Variants in PREP observed in about 807,000 individuals in gnomAD.
PREP encodes the protein prolyl endopeptidase.
Under a neutral mutation model 87.6 loss-of-function variants are expected in PREP, and 29 were observed. The observed-to-expected ratio is 0.33, with a 90% CI of 0.25 to 0.45. The LOEUF is 0.45. PREP is among the 20% of genes least tolerant of loss of function. The pLI, the probability that PREP is intolerant of heterozygous loss-of-function variation, is 1.00. For synonymous variants in PREP, 337 were observed against 328.6 expected (o/e 1.03, Z -0.28); for missense variants, 695 against 886.5 (o/e 0.78, Z 2.74).
At position 105,352,993 on chromosome 6, in the gene PREP, G is replaced by T; in HGVS notation, c.802C>A (p.Gln268Lys). 6.2e-7 allele frequency: 1 copy of T among 1,613,682 alleles called. No homozygotes were observed. Among genetic ancestry groups the T allele is most frequent in the Non-Finnish European group, 8.5e-7 (1 of 1,179,634 alleles). Residue 268 changes from glutamine (Q) to lysine (K), a missense_variant, in exon 7 of 15, where the codon CAG (glutamine) becomes AAG (lysine). Physicochemically the swap from Gln to Lys is moderately conservative, Grantham distance 53 (BLOSUM62 1). Coordinates refer to ENST00000652536, the MANE Select transcript of PREP (RefSeq NM_002726.5). ...VNRLWYCDLQ[Q>K]ESSGIAGILK... is the part of the protein sequence containing the mutation. ...TCACCCGCGATGCCACTGGATTCCT[G>T]CTGTAGGTCACAGTACCAGAGTCGG...
chr6:105,333,566 G>C, intron 7 of PREP, 61 bp from the exon 8 acceptor site: 1 of 1,512,192 alleles, frequency 6.6e-7, no homozygotes, highest in South Asian at 1.1e-5. Flanking sequence ...GTTGCTTTGT[G>C]TGTAGGGAGG....
intron 6 of PREP, among the ~76,000 whole-genome samples, chr6:105,363,755 A>G (rs1772311023): frequency 1.3e-5 from 2 of 152,168 alleles, no homozygotes; most frequent in African/African-American, 4.8e-5. Flanking sequence ...AGACATCTTG[A>G]AAGGTCCCTG....
intron 10 of PREP, among the ~76,000 whole-genome samples, chr6:105,313,910 T>C (rs1770809054): frequency 1.3e-5 from 2 of 151,108 alleles, no homozygotes. Flanking sequence ...CAAGTGGGGG[T>C]TCAAGCTGCC....
chr6:105,338,618 C>T lies in PREP; in HGVS notation c.824-5113G>A, dbSNP rs142876846. On this transcript the variant is annotated intron_variant, in intron 7 of 14. Transcript: ENST00000652536. ...ACCTCAACCAGGAAATGCAAGGGGT[C>T]GGGTAATTCCCTTTCCTAGCCAAGG... Among the ~76,000 whole-genome samples the T allele has an allele frequency of 1.6e-4, 25 of 152,282 alleles. No homozygotes were observed. In the East Asian group the frequency reaches 2.7e-3, roughly 16 times the overall value.
At chr6:105,377,555 T>G (rs570893766) in intron 2 of PREP, 36 bp from the exon 3 acceptor site, 4 of 1,602,120 alleles carry the variant, frequency 2.5e-6, no homozygotes, top group Non-Finnish European at 3.4e-6. Context: ...GCAAGTTAAA[T>G]ATAAAATTTT....
chr6:105,394,295 G>A (rs6929982), intron 2 of PREP, among the ~76,000 whole-genome samples: 32 of 152,288 alleles, frequency 2.1e-4, no homozygotes, highest in African/African-American at 7.5e-4. Flanking sequence ...AGGCTAGAAA[G>A]TTCTTTCTCA....
At chr6:105,306,807 T>A (rs763222165) in intron 10 of PREP, among the ~76,000 whole-genome samples, 3 of 143,918 alleles carry the variant, frequency 2.1e-5, no homozygotes, top group African/African-American at 7.6e-5. Context: ...TCTAATTCTC[T>A]AAGCACCTGG....
chr6:105,313,550 T>C (rs114137000), intron 10 of PREP, among the ~76,000 whole-genome samples: 132 of 152,356 alleles, frequency 8.7e-4, no homozygotes, highest in African/African-American at 3.0e-3. Context: ...ATCACAGTTG[T>C]GTTTCTAGAT....
rs148562966 is a variant in PREP at position 105,283,034 on chromosome 6, C to T, written c.1550-452G>A. 3.9e-5 allele frequency among the ~76,000 whole-genome samples: 6 copies of T among 152,346 alleles called. No homozygotes were observed. The East Asian group carries it at 7.7e-4, about 20-fold the overall frequency. On this transcript the variant is annotated intron_variant, in intron 12 of 14. Transcript: ENST00000652536. ...TGGGAGTGCTCGTGTCTCCCCTCCC[C>T]GCGAAGACGGAGGTGGAAGCGCTCT...
chr6:105,348,449 G>C (rs1771856054), intron 7 of PREP, among the ~76,000 whole-genome samples: 1 of 152,152 alleles, frequency 6.6e-6, no homozygotes. Context: ...CAACTCCATG[G>C]GGAACAAGAC....
intron 7 of PREP, among the ~76,000 whole-genome samples, chr6:105,335,258 A>G (rs947043663): frequency 6.6e-6 from 1 of 152,228 alleles, no homozygotes; most frequent in African/African-American, 2.4e-5. Context: ...TGACTTCTAA[A>G]CTACTAAAAG....
At chr6:105,391,696 C>A (rs1041085591) in intron 2 of PREP, among the ~76,000 whole-genome samples, 2 of 152,130 alleles carry the variant, frequency 1.3e-5, no homozygotes, top group African/African-American at 2.4e-5. Flanking sequence ...AGGGAGAGAG[C>A]CCATGATAAA....
In PREP at chr6:105,353,624, T is replaced by C. The variant is rs1378188200; in HGVS notation, c.718-547A>G. Among the ~76,000 whole-genome samples the C allele has an allele frequency of 2.0e-5, 3 of 151,812 alleles. No individual in the cohort carries two copies. In the East Asian group the frequency reaches 5.8e-4, roughly 29 times the overall value. ...CTGTCTCTACTAAAAATATAAAAAT[T>C]AGCCAGGCGTGGTGGTAGGCGCCTG... On this transcript the variant is annotated intron_variant, in intron 6 of 14. Transcript: ENST00000652536.
At chr6:105,367,637 G>A (rs10214691) in intron 6 of PREP, among the ~76,000 whole-genome samples, 30,253 of 146,680 alleles carry the variant, frequency 0.21, 4,508 homozygotes, top group African/African-American at 0.43. Context: ...CCGCCACTGC[G>A]CTCCAGCCTG....
At chr6:105,396,876 T>C (rs1181578138) in intron 2 of PREP, among the ~76,000 whole-genome samples, 4 of 151,950 alleles carry the variant, frequency 2.6e-5, no homozygotes, top group African/African-American at 9.7e-5. Context: ...GCAAACTTAA[T>C]TAACTACATA....
In PREP at chr6:105,281,715, T is replaced by TAACA. The variant is rs763270165; in HGVS notation, c.1838+27_1838+30dup. ...TGTGTTCAACTTTATATCAAACCACTAACAACATATATATGTCAATAAAAC... is the reference window on the plus strand; with the variant it reads ...TGTGTTCAACTTTATATCAAACCACTAACAAACAACATATATATGTCAATAAAAC... On this transcript the variant is annotated intron_variant, in intron 14 of 14. Coordinates refer to ENST00000652536, the MANE Select transcript of PREP (RefSeq NM_002726.5). 5.6e-6 allele frequency: 9 copies of TAACA among 1,602,754 alleles called. No individual in the cohort carries two copies. In the African/African-American group the frequency reaches 9.4e-5, roughly 17 times the overall value.
In PREP at chr6:105,278,167, G is replaced by T; in HGVS notation, c.2110C>A (p.Leu704Met). ...SDMFAFIARC[L>M]NVDWIP ...GTTTATGGAATCCAGTCGACGTTCA[G>T]GCACCGCGCGATGAACGCAAACATG... The change falls in exon 15 of 15, where the codon CTG (leucine) becomes ATG (methionine). Residue 704 changes from leucine (L) to methionine (M), a missense_variant. This residue lies in a region of PREP where 121 missense variants were observed against 154.8 expected (regional missense o/e 0.78). Transcript: ENST00000652536. This position sits in a 1 kb window ranked among gnomAD's most constrained non-coding sequence, Gnocchi z 4.2. 3 of 1,612,516 alleles carry T rather than the reference G, an allele frequency of 1.9e-6. No homozygotes were observed. Among genetic ancestry groups the T allele is most frequent in the Non-Finnish European group, 2.5e-6 (3 of 1,178,776 alleles).
intron 1 of PREP, among the ~76,000 whole-genome samples, chr6:105,400,816 A>T (rs6928178): frequency 0.037 from 5,669 of 152,334 alleles, 353 homozygotes; most frequent in African/African-American, 0.13. Context: ...AGTACTGAGC[A>T]TATGGCTGAA....
At chr6:105,357,913 GTT>G (rs796340115) in intron 6 of PREP, among the ~76,000 whole-genome samples, 3 of 138,382 alleles carry the variant, frequency 2.2e-5, no homozygotes, top group Non-Finnish European at 4.7e-5. Context: ...CAACAATACT[GTT>G]TTTTTTTTTT....
Sources: gnomAD v4.1 joint callset for allele counts (sites outside exome capture counted in the v4.1 genomes callset) on GRCh38, gnomAD v4.1.1 for gene constraint, gnomAD v4.1.1 regional missense constraint, Gnocchi (gnomAD v3.1) non-coding constraint, MANE v1.5 for transcripts, NCBI Gene and HGNC (gene_info 2026-07-23, HGNC 2026-07-21) for gene names.